The following SPOCK2 variants were observed in gnomAD, a reference collection of about 807,000 sequenced individuals.
The protein encoded by SPOCK2 is testican-2.
Under a neutral mutation model 60.1 loss-of-function variants are expected in SPOCK2, and 39 were observed. The ratio of observed to expected loss-of-function variants is 0.65; its 90% CI spans 0.50 to 0.85. SPOCK2 has a LOEUF of 0.85. Among genes scored for constraint, SPOCK2 ranks in the 40% least tolerant of loss-of-function variants. The pLI is 0.00. For synonymous variants in SPOCK2, 217 were observed against 231.5 expected, an observed-to-expected ratio of 0.94 and a Z score of 0.57; for missense variants, 523 against 567.4, an observed-to-expected ratio of 0.92 and a Z score of 0.80.
intron 6 of SPOCK2, among the ~76,000 whole-genome samples, 154 bp downstream of exon 6, chr10:72,068,033 A>C (rs1476439768): frequency 1.3e-5 from 2 of 152,192 alleles, no homozygotes; most frequent in Non-Finnish European, 2.9e-5. Flanking sequence ...CTCTGTGTTA[A>C]TCTGGGCCTC....
chr10:72,064,924 G>C (rs12783777), intron 8 of SPOCK2, among the ~76,000 whole-genome samples: 23 of 109,736 alleles, frequency 2.1e-4, no homozygotes, highest in Non-Finnish European at 3.1e-4. Context: ...TAGAGACGGG[G>C]TTTCACCCTG....
intron 5 of SPOCK2, among the ~76,000 whole-genome samples, chr10:72,069,670 C>T (rs1193716226): frequency 6.6e-6 from 1 of 152,098 alleles, no homozygotes; most frequent in East Asian, 1.9e-4. Flanking sequence ...GTTACCCAGG[C>T]TGGTCTCAAA....
chr10:72,076,699 G>A (rs1054088158), intron 1 of SPOCK2, among the ~76,000 whole-genome samples: 2 of 152,176 alleles, frequency 1.3e-5, no homozygotes, highest in Non-Finnish European at 2.9e-5. Context: ...GATTATAGGC[G>A]TGAGCCACTG....
chr10:72,079,911 G>A (rs920801705), intron 1 of SPOCK2, among the ~76,000 whole-genome samples: 4 of 151,996 alleles, frequency 2.6e-5, no homozygotes, highest in African/African-American at 9.7e-5. Flanking sequence ...TGCTGGACTG[G>A]CTTCCTTGGC....
At chr10:72,077,923 C>A (rs1389844167) in intron 1 of SPOCK2, among the ~76,000 whole-genome samples, 1 of 152,212 alleles carries the variant, frequency 6.6e-6, no homozygotes, top group African/African-American at 2.4e-5. Flanking sequence ...TCCTGAGGGT[C>A]TCCCTCCTCC....
intron 1 of SPOCK2, among the ~76,000 whole-genome samples, chr10:72,073,270 G>A (rs572898634): frequency 6.6e-6 from 1 of 152,294 alleles, no homozygotes; most frequent in South Asian, 2.1e-4. Context: ...CCTATGCCCT[G>A]GGTGTCTCAG....
Position 72,064,367 on chromosome 10 carries a change from G to A in SPOCK2, c.929-127C>T, listed in dbSNP as rs1175647265. On this transcript the variant is annotated intron_variant, in intron 8 of 10. Transcript: ENST00000373109. ...TGAAAACACCCCGTTTCTGACACGG[G>A]GTCACCCCACAGCAGGGGTGGGAAG... 7 of 1,058,476 alleles carry A rather than the reference G, an allele frequency of 6.6e-6. No homozygotes were observed. The African/African-American group carries it at 8.3e-5, about 12-fold the overall frequency. The allele number at this position is 1,058,476 out of a possible 1,614,324, so 65.6% of individuals were successfully genotyped here.
intron 1 of SPOCK2, chr10:72,086,909 C>T (rs1410601815): frequency 6.4e-7 from 1 of 1,551,432 alleles, no homozygotes; most frequent in African/African-American, 1.4e-5. Context: ...TTCCAAGGAA[C>T]TTGTGGATGC....
intron 3 of SPOCK2, 31 bp from the exon 4 acceptor site, chr10:72,072,289 A>G: frequency 2.7e-6 from 4 of 1,488,024 alleles, no homozygotes; most frequent in Non-Finnish European, 3.6e-6. Context: ...GACACAGGTC[A>G]CCTGGGAGAA....
chr10:72,081,899 G>A (rs1840788954), intron 1 of SPOCK2, among the ~76,000 whole-genome samples: 2 of 152,116 alleles, frequency 1.3e-5, no homozygotes, highest in South Asian at 4.1e-4. Flanking sequence ...AGAACGGGCT[G>A]GATGAGATCC....
chr10:72,085,938 G>A (rs1840849447), intron 1 of SPOCK2, among the ~76,000 whole-genome samples: 1 of 152,152 alleles, frequency 6.6e-6, no homozygotes, highest in Admixed American at 6.5e-5. Flanking sequence ...ACAACTTCAG[G>A]GGGCACCATT....
Position 72,068,398 on chromosome 10 carries a change from G to T in SPOCK2, c.475-97C>A, listed in dbSNP as rs966844554. The stretch of plus-strand genomic sequence containing the variant: ...CAAGCCTCTCATGGCAGCCACATCT[G>T]CCTCCCCCCATGGAGTGCCCATGAA... On this transcript the variant is annotated intron_variant, in intron 5 of 10. Transcript: ENST00000373109. The T allele has an allele frequency of 3.1e-6, 4 of 1,309,792 alleles. No individual in the cohort carries two copies. In the East Asian group the frequency reaches 1.0e-4, roughly 33 times the overall value. 81.1% of individuals were successfully genotyped at this position (1,309,792 alleles called of 1,614,324 possible).
chr10:72,065,950 C>G (rs911025215), intron 8 of SPOCK2, among the ~76,000 whole-genome samples: 2 of 152,162 alleles, frequency 1.3e-5, no homozygotes, highest in Admixed American at 6.5e-5. Flanking sequence ...CCCTGACTAG[C>G]GTATGGTGGG....
chr10:72,086,469 G>A (rs1840855861), intron 1 of SPOCK2: 1 of 1,065,588 alleles, frequency 9.4e-7, no homozygotes, highest in African/African-American at 1.7e-5. Flanking sequence ...GTCCCATTTT[G>A]GCAGATCAAA....
At chr10:72,081,894 G>C (rs916582289) in intron 1 of SPOCK2, among the ~76,000 whole-genome samples, 15 of 152,198 alleles carry the variant, frequency 9.9e-5, no homozygotes, top group Middle Eastern at 3.4e-3. Flanking sequence ...TGCAGAGAAC[G>C]GGCTGGATGA....
chr10:72,087,091 T>C lies in SPOCK2; in HGVS notation c.189+1049A>G. On this transcript the variant is annotated intron_variant, in intron 1 of 10. Transcript: ENST00000373109. This position sits in a 1 kb window ranked among gnomAD's most constrained non-coding sequence, Gnocchi z 4.7. ...CGCCAGGAGCAGCCGGCGTCGCCTC[T>C]GGCGCATCCGGGCCCATCCCCCACA... The C allele has an allele frequency of 7.3e-7, 1 of 1,362,938 alleles. No homozygotes were observed. The highest frequency in any genetic ancestry group is 2.6e-5 in the East Asian group (1 of 38,458). The allele number at this position is 1,362,938 out of a possible 1,614,324, so 84.4% of individuals were successfully genotyped here.
chr10:72,067,147 C>T (rs780649790), intron 7 of SPOCK2, 27 bp from the exon 8 acceptor site: 2 of 1,596,150 alleles, frequency 1.3e-6, no homozygotes, highest in Non-Finnish European at 1.7e-6. Flanking sequence ...TTCAGGCACG[C>T]TTCATCTGGC....
intron 1 of SPOCK2, among the ~76,000 whole-genome samples, chr10:72,085,695 T>C (rs12220212): frequency 0.056 from 8,484 of 152,196 alleles, 294 homozygotes; most frequent in Admixed American, 0.13. Flanking sequence ...ATGAACAAGG[T>C]CCCAGTTCAA....
At chr10:72,073,694 A>T in intron 1 of SPOCK2, among the ~76,000 whole-genome samples, 1 of 152,200 alleles carries the variant, frequency 6.6e-6, no homozygotes, top group Non-Finnish European at 1.5e-5. Context: ...ACACTCTCTG[A>T]GGCCTAAGGC....
Sources: allele counts gnomAD v4.1 joint callset (sites outside exome capture counted in the v4.1 genomes callset), GRCh38; gene constraint gnomAD v4.1.1; non-coding constraint Gnocchi (gnomAD v3.1); transcripts MANE v1.5; gene names NCBI Gene and HGNC (gene_info 2026-07-23, HGNC 2026-07-21).